Variants in REEP1 observed in about 807,000 individuals in gnomAD.
REEP1 encodes the protein receptor expression-enhancing protein 1.
In REEP1, 22 loss-of-function variants were observed where a neutral mutation model predicts 40.3. The observed-to-expected ratio is 0.55, with a 90% CI of 0.39 to 0.78. The LOEUF is 0.78. Among genes scored for constraint, REEP1 ranks in the 30% least tolerant of loss-of-function variants. The probability of loss-of-function intolerance (pLI) is 0.00; values close to 1 mark genes in which losing one functional copy is unlikely to be tolerated. For synonymous variants in REEP1, 116 were observed against 139.2 expected, an observed-to-expected ratio of 0.83 and a Z score of 1.17; for missense variants, 280 against 361.1, an observed-to-expected ratio of 0.78 and a Z score of 1.82.
At chr2:86,252,303 G>A (rs1676329735) in intron 4 of REEP1, among the ~76,000 whole-genome samples, 1 of 152,134 alleles carries the variant, frequency 6.6e-6, no homozygotes, top group Non-Finnish European at 1.5e-5. Flanking sequence ...GATGCCCTGA[G>A]ATTGTTTCTA....
chr2:86,337,595 G>C lies in REEP1; in HGVS notation c.-85C>G, dbSNP rs1221496283. 1.0e-5 allele frequency: 12 copies of C among 1,161,770 alleles called. No homozygotes were observed. The highest frequency in any genetic ancestry group is 1.1e-5 in the Non-Finnish European group (10 of 944,442). 72.0% of individuals were successfully genotyped at this position (1,161,770 alleles called of 1,614,324 possible). ...CGGGCTGCTGCGGCGTTCCCGGAAC[G>C]TCAGTCAGCTCACGGCAGCCGCCGC... On this transcript the variant is annotated 5_prime_UTR_variant, in exon 1 of 9. Coordinates refer to ENST00000538924, the MANE Select transcript of REEP1 (RefSeq NM_001371279.1). The surrounding 1 kb of genome is among the most constrained non-coding windows in gnomAD (Gnocchi z 5.8).
intron 1 of REEP1, among the ~76,000 whole-genome samples, chr2:86,327,325 AATAATATAT>A (rs1680554271): frequency 1.3e-5 from 2 of 152,054 alleles, no homozygotes; most frequent in East Asian, 1.9e-4. Context: ...CTATTATAGA[AATAATATAT>A]ATTATTAATA....
At chr2:86,230,864 C>T (rs916936084) in intron 6 of REEP1, among the ~76,000 whole-genome samples, 6 of 152,326 alleles carry the variant, frequency 3.9e-5, no homozygotes, top group Admixed American at 2.6e-4. Context: ...TTCTTGCTCT[C>T]TGCCCTCTGG....
intron 2 of REEP1, among the ~76,000 whole-genome samples, chr2:86,281,785 T>C (rs1428677883): frequency 1.3e-5 from 2 of 152,226 alleles, no homozygotes; most frequent in Non-Finnish European, 2.9e-5. Flanking sequence ...TGCCAGACTC[T>C]AAAACCTGTG....
At chr2:86,225,700 G>T (rs1674643409) in intron 7 of REEP1, among the ~76,000 whole-genome samples, 2 of 152,224 alleles carry the variant, frequency 1.3e-5, no homozygotes, top group African/African-American at 4.8e-5. Flanking sequence ...GATGTGGGAG[G>T]GGCATGTCAT....
chr2:86,302,452 C>A (rs1326485181), intron 1 of REEP1, among the ~76,000 whole-genome samples: 1 of 152,202 alleles, frequency 6.6e-6, no homozygotes, highest in Non-Finnish European at 1.5e-5. Flanking sequence ...TCTGGGGAGA[C>A]AATTTGGCAT....
chr2:86,310,269 C>T (rs532690576), intron 1 of REEP1, among the ~76,000 whole-genome samples: 12 of 152,250 alleles, frequency 7.9e-5, no homozygotes, highest in African/African-American at 2.6e-4. Flanking sequence ...CAACAATGGA[C>T]GGCACATACA....
intron 4 of REEP1, among the ~76,000 whole-genome samples, chr2:86,253,836 T>C (rs1401860455): frequency 6.6e-6 from 1 of 152,238 alleles, no homozygotes; most frequent in Non-Finnish European, 1.5e-5. Context: ...AAGCCACCTA[T>C]AATGCTCCTA....
chr2:86,263,736 T>G (rs1676985945), intron 3 of REEP1, among the ~76,000 whole-genome samples: 1 of 152,208 alleles, frequency 6.6e-6, no homozygotes, highest in Admixed American at 6.5e-5. Flanking sequence ...CATGACTATA[T>G]CCCCAGGGCT....
At chr2:86,264,115 G>A in intron 2 of REEP1, 74 bp from the exon 3 acceptor site, 1 of 1,158,326 alleles carries the variant, frequency 8.6e-7, no homozygotes, top group African/African-American at 1.5e-5. Context: ...GGAAGAACAG[G>A]CCCCGGCGGC....
At position 86,252,015 on chromosome 2, in the gene REEP1, T is replaced by C. The variant is rs1232655129; in HGVS notation, c.359A>G (p.His120Arg). 6.2e-7 allele frequency: 1 copy of C among 1,614,156 alleles called. No homozygotes were observed. The highest frequency in any genetic ancestry group is 8.5e-7 in the Non-Finnish European group (1 of 1,180,024). ...AKDRSYDALV[H>R]FGKRGLNVAA... The stretch of plus-strand genomic sequence containing the variant: ...CACGTTCAAGCCCCGCTTCCCGAAG[T>C]GCACAAGGGCATCGTAACTTCGGTC... Residue 120 changes from histidine to arginine, a missense_variant, in exon 5 of 9, where the codon CAC becomes CGC. By Grantham distance (29) the His-to-Arg change is conservative. Around this residue, in one of 3 missense-constraint regions of REEP1, gnomAD observed 201 missense variants for 238.5 expected, o/e 0.84. Coordinates refer to ENST00000538924, the MANE Select transcript of REEP1 (RefSeq NM_001371279.1).
chr2:86,232,093 GTATGCA>G (rs1456994541), intron 6 of REEP1, among the ~76,000 whole-genome samples: 1 of 152,208 alleles, frequency 6.6e-6, no homozygotes, highest in African/African-American at 2.4e-5. Context: ...ATGGCCCTTG[GTATGCA>G]GAGGCTGGGG....
rs1309066204 is a variant in REEP1 at position 86,219,958 on chromosome 2, G to A, written c.783+12C>T. ...AAACACACTCCAACCCACAGCCCCA[G>A]ACACTGTGTACCTCCAGGGGCAATT... is the stretch of plus-strand genomic sequence containing the variant. On this transcript the variant is annotated intron_variant, in intron 8 of 8. Coordinates refer to ENST00000538924, the MANE Select transcript of REEP1 (RefSeq NM_001371279.1). 3.2e-6 allele frequency: 4 copies of A among 1,232,062 alleles called. No homozygotes were observed. Among genetic ancestry groups the A allele is most frequent in the Non-Finnish European group, 4.0e-6 (4 of 987,972 alleles). The allele number at this position is 1,232,062 out of a possible 1,614,324, so 76.3% of individuals were successfully genotyped here.
At chr2:86,268,848 C>T (rs1677288083) in intron 2 of REEP1, among the ~76,000 whole-genome samples, 1 of 152,134 alleles carries the variant, frequency 6.6e-6, no homozygotes, top group African/African-American at 2.4e-5. Flanking sequence ...TGATCCTTGA[C>T]AAAGGAGCAA....
chr2:86,276,526 T>C (rs1057069388), intron 2 of REEP1, among the ~76,000 whole-genome samples: 1 of 152,226 alleles, frequency 6.6e-6, no homozygotes, highest in African/African-American at 2.4e-5. Flanking sequence ...ATTGATCTTA[T>C]GCACCCAATG....
chr2:86,333,334 C>T (rs138784301), intron 1 of REEP1, among the ~76,000 whole-genome samples: 113 of 152,358 alleles, frequency 7.4e-4, no homozygotes, highest in African/African-American at 2.3e-3. Flanking sequence ...AGACTTCATG[C>T]TCCAAATCCC....
chr2:86,305,247 C>T (rs1679429128), intron 1 of REEP1, among the ~76,000 whole-genome samples: 1 of 152,162 alleles, frequency 6.6e-6, no homozygotes, highest in Admixed American at 6.5e-5. Flanking sequence ...TAAATGTCCT[C>T]GCTTGCTCAA....
At chr2:86,285,486 C>T (rs1440182191) in intron 1 of REEP1, among the ~76,000 whole-genome samples, 1 of 152,136 alleles carries the variant, frequency 6.6e-6, no homozygotes, top group Non-Finnish European at 1.5e-5. Context: ...CTCACTCTTT[C>T]AATTAATCCT....
chr2:86,293,782 C>T (rs1048517209), intron 1 of REEP1, among the ~76,000 whole-genome samples: 1 of 152,142 alleles, frequency 6.6e-6, no homozygotes, highest in Non-Finnish European at 1.5e-5. Context: ...TTACTGATTT[C>T]CCCATCTGTT....
Sources: allele counts gnomAD v4.1 joint callset (sites outside exome capture counted in the v4.1 genomes callset), GRCh38; gene constraint gnomAD v4.1.1; regional missense constraint gnomAD v4.1.1; non-coding constraint Gnocchi (gnomAD v3.1); transcripts MANE v1.5; gene names NCBI Gene and HGNC (gene_info 2026-07-23, HGNC 2026-07-21).